The following CIRSR variants were observed in gnomAD, a reference collection of about 807,000 sequenced individuals.
CIRSR encodes corepressor of RBPJ and splicing regulator, also known as CBF1 (RBPJ) interacting corepressor 1.
chr2:174,348,545 G>C, the CIRSR span: 1 of 1,614,048 alleles, frequency 6.2e-7, no homozygotes, highest in Admixed American at 1.7e-5. Context: ...GGTGCTCTCT[G>C]TACATTTTTT....
At chr2:174,385,345 C>G in the CIRSR span, among the ~76,000 whole-genome samples, 2 of 150,210 alleles carry the variant, frequency 1.3e-5, no homozygotes, top group Non-Finnish European at 3.0e-5. Flanking sequence ...CAATAGATTA[C>G]TGAAGAATGA....
the CIRSR span, among the ~76,000 whole-genome samples, chr2:174,358,737 GA>G: frequency 6.6e-6 from 1 of 152,242 alleles, no homozygotes; most frequent in African/African-American, 2.4e-5. Flanking sequence ...TTTTGAGACA[GA>G]GTCTCAGCCT....
At chr2:174,380,103 T>C in the CIRSR span, 1,234 of 711,644 alleles carry the variant, frequency 1.7e-3, 2 homozygotes, top group Non-Finnish European at 2.5e-3. Flanking sequence ...ATAAAAACCA[T>C]AGTGCCCCTT....
chr2:174,379,156 G>T, the CIRSR span: 1 of 703,940 alleles, frequency 1.4e-6, no homozygotes, highest in Non-Finnish European at 2.4e-6. Flanking sequence ...GATCTCCAGG[G>T]AAAAAGACTC....
chr2:174,383,396 T>A, the CIRSR span, among the ~76,000 whole-genome samples: 1 of 152,092 alleles, frequency 6.6e-6, no homozygotes, highest in Non-Finnish European at 1.5e-5. Context: ...AACAGGTGTA[T>A]AAGTTACATT....
the CIRSR span, among the ~76,000 whole-genome samples, chr2:174,373,567 A>G: frequency 6.6e-6 from 1 of 152,146 alleles, no homozygotes; most frequent in Non-Finnish European, 1.5e-5. Flanking sequence ...TTAACATACT[A>G]TTTTAATTTT....
chr2:174,352,498 C>G, the CIRSR span, among the ~76,000 whole-genome samples: 1 of 152,090 alleles, frequency 6.6e-6, no homozygotes, highest in Non-Finnish European at 1.5e-5. Context: ...CGTGTAATCC[C>G]AGCATTTTGA....
chr2:174,389,151 G>A, the CIRSR span, among the ~76,000 whole-genome samples: 1 of 152,328 alleles, frequency 6.6e-6, no homozygotes, highest in South Asian at 2.1e-4. Flanking sequence ...ATGTGGAAGT[G>A]ACTTTAGAAC....
the CIRSR span, among the ~76,000 whole-genome samples, chr2:174,380,428 G>A: frequency 3.3e-5 from 5 of 151,806 alleles, no homozygotes; most frequent in African/African-American, 7.3e-5. Context: ...GTTATTATGT[G>A]TCTAGTCTGA....
chr2:174,369,867 A>T, the CIRSR span: 1 of 1,155,862 alleles, frequency 8.7e-7, no homozygotes, highest in Non-Finnish European at 1.2e-6. Context: ...AGATCACCAT[A>T]ATGATATAAT....
chr2:174,384,795 C>T, the CIRSR span, among the ~76,000 whole-genome samples: 2 of 151,998 alleles, frequency 1.3e-5, no homozygotes, highest in South Asian at 4.1e-4. Context: ...AAATTCAAGA[C>T]ATATATAAAA....
the CIRSR span, among the ~76,000 whole-genome samples, chr2:174,394,229 C>T: frequency 6.6e-6 from 1 of 152,114 alleles, no homozygotes; most frequent in African/African-American, 2.4e-5. Flanking sequence ...TATGATTTCT[C>T]AGGTATATTT....
the CIRSR span, among the ~76,000 whole-genome samples, chr2:174,361,592 G>A: frequency 6.6e-6 from 1 of 152,206 alleles, no homozygotes; most frequent in East Asian, 1.9e-4. Flanking sequence ...TCAGTACCAT[G>A]GCTTAGTGCA....
At chr2:174,369,098 G>A in the CIRSR span, among the ~76,000 whole-genome samples, 3 of 152,198 alleles carry the variant, frequency 2.0e-5, no homozygotes, top group Non-Finnish European at 4.4e-5. Flanking sequence ...CCAATAGAAG[G>A]CTGTTTCATC....
the CIRSR span, chr2:174,395,460 G>A: frequency 1.3e-5 from 17 of 1,262,460 alleles, no homozygotes; most frequent in Non-Finnish European, 1.7e-5. Flanking sequence ...GCTGTCCTAG[G>A]GATCTCAGAG....
chr2:174,363,911 C>CT, the CIRSR span, among the ~76,000 whole-genome samples: 1 of 152,136 alleles, frequency 6.6e-6, no homozygotes, highest in Non-Finnish European at 1.5e-5. Flanking sequence ...ACCCCTGGCC[C>CT]TTCCCCAATC....
At chr2:174,362,631 G>A in the CIRSR span, among the ~76,000 whole-genome samples, 1 of 132,730 alleles carries the variant, frequency 7.5e-6, no homozygotes, top group African/African-American at 3.0e-5. Context: ...AACTTGCAGT[G>A]AGCCGAGATC....
At chr2:174,349,159 G>T in the CIRSR span, 1 of 1,450,886 alleles carries the variant, frequency 6.9e-7, no homozygotes, top group Non-Finnish European at 9.1e-7. Flanking sequence ...TTCTTCTCCA[G>T]TCGATCTAAT....
the CIRSR span, among the ~76,000 whole-genome samples, chr2:174,371,100 A>G: frequency 6.6e-6 from 1 of 152,176 alleles, no homozygotes; most frequent in Admixed American, 6.5e-5. Context: ...CTATAGAGAC[A>G]GAAAAAATTA....
Sources: gnomAD v4.1 joint callset for allele counts (sites outside exome capture counted in the v4.1 genomes callset) on GRCh38, gnomAD v4.1.1 for gene constraint, MANE v1.5 for transcripts, NCBI Gene and HGNC (gene_info 2026-07-23, HGNC 2026-07-21) for gene names.